Variants in ZNF84 observed in about 807,000 individuals in gnomAD.
ZNF84 encodes the protein zinc finger protein 84.
A neutral mutation model predicts 14.8 loss-of-function variants in ZNF84; 12 were observed. The observed-to-expected ratio is 0.81, with a 90% CI of 0.52 to 1.31. ZNF84 has a LOEUF of 1.31. Among genes scored for constraint, ZNF84 ranks in the 50% most tolerant of loss-of-function variants. The pLI is 0.00. For missense variants in ZNF84, 859 were observed against 878.6 expected, an observed-to-expected ratio of 0.98 and a Z score of 0.28; for synonymous variants, 347 against 291.1, an observed-to-expected ratio of 1.19 and a Z score of -1.96.
At chr12:133,037,936 A>G (rs1447622260) in intron 1 of ZNF84, 3 of 152,238 alleles carry the variant, frequency 2.0e-5, no homozygotes, top group Non-Finnish European at 4.4e-5. Context: ...CTCTGCCGCT[A>G]TCGAAGGAGG....
Position 133,048,796 on chromosome 12 carries a change from A to G in ZNF84, c.186A>G (p.Gln62=), listed in dbSNP as rs1954027082. 2.5e-6 allele frequency: 4 copies of G among 1,613,850 alleles called. No individual in the cohort carries two copies. Among genetic ancestry groups the G allele is most frequent in the African/African-American group, 2.7e-5 (2 of 75,012 alleles). ...MKPDVIFKLE[Q]GEEPWVGDGE... is the part of the protein sequence containing the mutation. ...CAGATGTCATCTTCAAATTGGAGCAAGGAGAAGAGCCGTGGGTAGGAGATG... is the reference window on the plus strand; with the variant it reads ...CAGATGTCATCTTCAAATTGGAGCAGGGAGAAGAGCCGTGGGTAGGAGATG... Residue 62 remains glutamine (Q), a synonymous_variant, in exon 4 of 5, where the codon CAA becomes CAG. Transcript: ENST00000539354.
At position 133,056,659 on chromosome 12, in the gene ZNF84, C is replaced by G. The variant is rs926809956; in HGVS notation, c.239-295C>G. The stretch of plus-strand genomic sequence containing the variant: ...GAATTAATTACTCAAAACATTGGGT[C>G]AAAGCTTCTTCTAACCTTTTTTCTT... On this transcript the variant is annotated intron_variant, in intron 4 of 4. Coordinates refer to ENST00000539354, the MANE Select transcript of ZNF84 (RefSeq NM_001289971.2). Among the ~76,000 whole-genome samples the G allele has an allele frequency of 3.2e-3, 493 of 152,266 alleles. 1 individual carries two copies. The highest frequency in any genetic ancestry group is 0.011 in the African/African-American group (470 of 41,552).
rs113520946 is a variant in ZNF84 at position 133,057,146 on chromosome 12, T to C, written c.431T>C (p.Leu144Pro). The change falls in exon 5 of 5, where the codon CTT becomes CCT. Residue 144 changes from leucine to proline, a missense_variant. Transcript: ENST00000539354. ...ATTTTAAAACATCATTTAGATTTGC[T>C]TATTCCAAAAGGAGATTATGGAAAA... ...GLILKHHLDL[L>P]IPKGDYGKAE... 1 of 1,611,244 alleles carries C rather than the reference T, an allele frequency of 6.2e-7. No individual in the cohort carries two copies. Among genetic ancestry groups the C allele is most frequent in the South Asian group, 1.1e-5 (1 of 90,132 alleles).
Position 133,062,476 on chromosome 12 carries a change from G to A in ZNF84, c.*3544G>A, listed in dbSNP as rs1424425636. ...TCATTTGGTCATTCCAGCAATCTAT[G>A]TCCAGGTTGTCAATTTCAGAGGTCT... On this transcript the variant is annotated 3_prime_UTR_variant, in exon 5 of 5. Transcript: ENST00000539354. 1 of 152,444 alleles carries A rather than the reference G, an allele frequency of 6.6e-6. No individual in the cohort carries two copies. Among genetic ancestry groups the A allele is most frequent in the East Asian group, 1.9e-4 (1 of 5,204 alleles). The allele number at this position is 152,444 out of a possible 1,614,324, so 9.4% of individuals were successfully genotyped here.
At chr12:133,055,481 C>A (rs1361302922) in intron 4 of ZNF84, among the ~76,000 whole-genome samples, 1 of 151,820 alleles carries the variant, frequency 6.6e-6, no homozygotes, top group Non-Finnish European at 1.5e-5. Flanking sequence ...CATCTGTTAG[C>A]CAGTAATACC....
intron 4 of ZNF84, chr12:133,050,649 G>A (rs1954054512): frequency 5.0e-6 from 2 of 398,100 alleles, no homozygotes; most frequent in South Asian, 2.6e-4. Flanking sequence ...ACTTTTGATG[G>A]TATTATACTA....
Position 133,058,976 on chromosome 12 carries a change from A to G in ZNF84, c.*44A>G. 6.6e-7 allele frequency: 1 copy of G among 1,509,498 alleles called. No homozygotes were observed. Among genetic ancestry groups the G allele is most frequent in the Non-Finnish European group, 8.8e-7 (1 of 1,130,288 alleles). The allele number at this position is 1,509,498 out of a possible 1,614,324, so 93.5% of individuals were successfully genotyped here. A position where few individuals can be genotyped will look rare whatever the true frequency, so the allele number is the denominator to read the frequency against. ...TCTTTGACAGATCATCTTGGACTTC[A>G]GGAAATGCAATTATGATAACGTTTG... On this transcript the variant is annotated 3_prime_UTR_variant, in exon 5 of 5. Coordinates refer to ENST00000539354, the MANE Select transcript of ZNF84 (RefSeq NM_001289971.2).
chr12:133,041,550 AAAAG>A (rs1184545655), intron 2 of ZNF84, 68 bp downstream of exon 2: 57 of 1,521,452 alleles, frequency 3.7e-5, no homozygotes, highest in Non-Finnish European at 5.1e-5. Flanking sequence ...CTTCCGGTGA[AAAAG>A]AAAAGTTTAA....
Position 133,058,187 on chromosome 12 carries a change from AGT to A in ZNF84, c.1476_1477del (p.Cys492TrpfsTer6). ...GGAGAAAAACCGTATGAATGCAGTG[AGT>A]GTGGGAAAGCTTTCAGTGAAAAATT... On this transcript the variant is annotated frameshift_variant, in exon 5 of 5. Coordinates refer to ENST00000539354, the MANE Select transcript of ZNF84 (RefSeq NM_001289971.2). LOFTEE classifies it low-confidence loss of function (END_TRUNC). 3 of 1,614,098 alleles carry A rather than the reference AGT, an allele frequency of 1.9e-6. No homozygotes were observed. The highest frequency in any genetic ancestry group is 2.5e-6 in the Non-Finnish European group (3 of 1,180,000).
At chr12:133,038,558 CAAAAAAA>C (rs67023898) in intron 1 of ZNF84, among the ~76,000 whole-genome samples, 14 of 142,310 alleles carry the variant, frequency 9.8e-5, no homozygotes, top group East Asian at 2.0e-4. Context: ...AAGACCCTGT[CAAAAAAA>C]AAAAAAAAGT....
At chr12:133,043,407 C>T (rs955673158) in intron 2 of ZNF84, among the ~76,000 whole-genome samples, 25 of 152,214 alleles carry the variant, frequency 1.6e-4, no homozygotes, top group African/African-American at 5.5e-4. Flanking sequence ...TCAGGCAATC[C>T]GCCTGCCTTA....
In ZNF84 at chr12:133,058,740, G is replaced by A. The variant is rs1954206558; in HGVS notation, c.2025G>A (p.Arg675=). The stretch of plus-strand genomic sequence containing the variant: ...AGTCACACCTTATACCACATCAAAG[G>A]ACACATACGGGTGAGAAACCCTATG... ...SRKSHLIPHQ[R]THTGEKPYGC... Residue 675 remains arginine, a synonymous_variant, in exon 5 of 5, where the codon AGG becomes AGA. Coordinates refer to ENST00000539354, the MANE Select transcript of ZNF84 (RefSeq NM_001289971.2). The A allele has an allele frequency of 3.7e-6, 6 of 1,613,766 alleles. No individual in the cohort carries two copies. The East Asian group carries it at 1.3e-4, about 36-fold the overall frequency.
rs1253018002 is a variant in ZNF84, at chr12:133,059,907, C to T, written c.*975C>T. The T allele has an allele frequency of 6.6e-6, 1 of 152,088 alleles. No individual in the cohort carries two copies. Among genetic ancestry groups the T allele is most frequent in the Admixed American group, 6.5e-5 (1 of 15,270 alleles). 9.4% of individuals were successfully genotyped at this position (152,088 alleles called of 1,614,324 possible). A position where few individuals can be genotyped will look rare whatever the true frequency, so the allele number is the denominator to read the frequency against. On this transcript the variant is annotated 3_prime_UTR_variant, in exon 5 of 5. Coordinates refer to ENST00000539354, the MANE Select transcript of ZNF84 (RefSeq NM_001289971.2). ...GACCTTTCTATTCAGTAACTGAAGC[C>T]AACATTGTGTAAGTCTTCTGCATCC...
At chr12:133,051,493 T>C (rs1024321947) in intron 4 of ZNF84, among the ~76,000 whole-genome samples, 8 of 152,114 alleles carry the variant, frequency 5.3e-5, no homozygotes, top group Non-Finnish European at 8.8e-5. Flanking sequence ...TTTACTACAG[T>C]GACACTGTAA....
At chr12:133,044,841 G>C (rs1347113035) in intron 2 of ZNF84, among the ~76,000 whole-genome samples, 2 of 151,830 alleles carry the variant, frequency 1.3e-5, no homozygotes, top group Non-Finnish European at 2.9e-5. Flanking sequence ...TTGAACCTGG[G>C]AGGTGGAGGT....
rs1360596777 is a variant in ZNF84 at position 133,060,522 on chromosome 12, T to G, written c.*1590T>G. ...GCTTAGCGTAGCCTACCTTAAACAT[T>G]CTCAGAACACATTCTAATGCATCAT... On this transcript the variant is annotated 3_prime_UTR_variant, in exon 5 of 5. Coordinates refer to ENST00000539354, the MANE Select transcript of ZNF84 (RefSeq NM_001289971.2). 1.3e-5 allele frequency: 2 copies of G among 152,178 alleles called. No homozygotes were observed. Among genetic ancestry groups the G allele is most frequent in the Non-Finnish European group, 2.9e-5 (2 of 68,016 alleles). The allele number at this position is 152,178 out of a possible 1,614,324, so 9.4% of individuals were successfully genotyped here.
chr12:133,056,196 ATAT>A (rs1444288931), intron 4 of ZNF84, among the ~76,000 whole-genome samples: 3 of 152,174 alleles, frequency 2.0e-5, no homozygotes, highest in Admixed American at 1.3e-4. Context: ...TGTTTTAAAA[ATAT>A]TATCTTTTCC....
At chr12:133,046,306 T>C (rs1203597236) in intron 2 of ZNF84, among the ~76,000 whole-genome samples, 7 of 149,058 alleles carry the variant, frequency 4.7e-5, no homozygotes, top group Non-Finnish European at 5.9e-5. Context: ...TTCCCTATTA[T>C]CCTGTCAGAC....
intron 2 of ZNF84, among the ~76,000 whole-genome samples, chr12:133,044,433 G>C (rs1292589037): frequency 6.6e-6 from 1 of 151,888 alleles, no homozygotes; most frequent in Non-Finnish European, 1.5e-5. Context: ...GAAATTATAG[G>C]CATGAGCCAG....
Sources: allele counts gnomAD v4.1 joint callset (sites outside exome capture counted in the v4.1 genomes callset), GRCh38; gene constraint gnomAD v4.1.1; transcripts MANE v1.5; gene names NCBI Gene and HGNC (gene_info 2026-07-23, HGNC 2026-07-21).